Variants in DNMBP observed in about 807,000 individuals in gnomAD.
DNMBP encodes the protein dynamin binding protein.
DNMBP carries 87 observed loss-of-function variants against 150.0 expected under a neutral mutation model. That is an observed-to-expected ratio of 0.58 (90% confidence interval 0.49 to 0.69). The LOEUF is 0.69. Ranked by LOEUF, DNMBP falls within the 30% of genes least tolerant of loss-of-function variation. The pLI is 0.00. For synonymous variants in DNMBP, 711 were observed against 750.4 expected (o/e 0.95, Z 0.86); for missense variants, 1,774 against 1,949.0 (o/e 0.91, Z 1.69).
rs1175753420 is a variant in DNMBP, at chr10:99,990,694, TAC to T, written c.-10-18562_-10-18561del. Reference sequence around the variant, plus strand: ...ATATACATATATACACACATATATATACACACACATATATACACACATATACA... The same window carrying T: ...ATATACATATATACACACATATATATACACACATATATACACACATATACA... On this transcript the variant is annotated intron_variant, in intron 1 of 16. Coordinates refer to ENST00000324109, the MANE Select transcript of DNMBP (RefSeq NM_015221.4). 1.1e-4 allele frequency among the ~76,000 whole-genome samples: 17 copies of T among 150,388 alleles called. No homozygotes were observed. The Middle Eastern group carries it at 0.011, about 93-fold the overall frequency.
Position 99,888,950 on chromosome 10 carries a change from A to G in DNMBP, c.3160T>C (p.Ser1054Pro). 6.2e-7 allele frequency: 1 copy of G among 1,614,014 alleles called. No homozygotes were observed. The highest frequency in any genetic ancestry group is 8.5e-7 in the Non-Finnish European group (1 of 1,179,992). ...LSLYLQHIRE[S>P]ACVKVVAAVS... ...GCAGCCACCACTTTCACACATGCGG[A>G]CTCCTGGAGCCAGTTAGGACAGACA... is the stretch of plus-strand genomic sequence containing the variant. Residue 1054 changes from serine to proline, a missense_variant, in exon 12 of 17, where the codon TCC becomes CCC. By Grantham distance (74) the Ser-to-Pro change is moderately conservative. Around this residue, in one of 2 missense-constraint regions of DNMBP, gnomAD observed 1,430 missense variants for 1,492.5 expected, o/e 0.96. Transcript: ENST00000324109.
At chr10:99,997,551 C>G (rs928874331) in intron 1 of DNMBP, among the ~76,000 whole-genome samples, 5 of 149,350 alleles carry the variant, frequency 3.3e-5, no homozygotes, top group Admixed American at 2.7e-4. Context: ...GAGACAACAG[C>G]AAAGTTATAT....
Position 99,935,087 on chromosome 10 carries a change from C to CAAA in DNMBP, c.2260+20124_2260+20126dup, listed in dbSNP as rs71009790. On this transcript the variant is annotated intron_variant, in intron 4 of 16. Coordinates refer to ENST00000324109, the MANE Select transcript of DNMBP (RefSeq NM_015221.4). ...GTGATAGGGTGAGACCCTGTCTCCA[C>CAAA]AAAAAAAAAAAAAAAAAAAAAAAAA... 1.1e-3 allele frequency among the ~76,000 whole-genome samples: 53 copies of CAAA among 48,538 alleles called. 1 individual carries two copies. The highest frequency in any genetic ancestry group is 5.8e-3 in the East Asian group (7 of 1,208). The allele number at this position is 48,538 out of a possible 152,430, so 31.8% of individuals were successfully genotyped here.
At chr10:99,997,772 C>A (rs2040964180) in intron 1 of DNMBP, among the ~76,000 whole-genome samples, 1 of 151,514 alleles carries the variant, frequency 6.6e-6, no homozygotes, top group Non-Finnish European at 1.5e-5. Context: ...CATGGCAAAA[C>A]CATCTCTATT....
chr10:99,997,868 C>T (rs1186141378), intron 1 of DNMBP, among the ~76,000 whole-genome samples: 1 of 131,226 alleles, frequency 7.6e-6, no homozygotes, highest in East Asian at 2.2e-4. Context: ...GCAAAGGCTG[C>T]AGTGAGCTGA....
At chr10:99,887,637 C>T (rs977124764) in intron 12 of DNMBP, among the ~76,000 whole-genome samples, 5 of 152,110 alleles carry the variant, frequency 3.3e-5, no homozygotes, top group Non-Finnish European at 7.4e-5. Context: ...TACTTAGTAG[C>T]ATCTTATTAA....
chr10:99,992,627 C>T (rs940604190), intron 1 of DNMBP, among the ~76,000 whole-genome samples: 38 of 150,662 alleles, frequency 2.5e-4, no homozygotes, highest in Non-Finnish European at 4.4e-4. Flanking sequence ...CCTGGGTTCA[C>T]GCCATTCTCC....
intron 4 of DNMBP, among the ~76,000 whole-genome samples, chr10:99,909,646 A>T (rs2039876396): frequency 6.6e-6 from 1 of 152,224 alleles, no homozygotes; most frequent in Non-Finnish European, 1.5e-5. Context: ...GGATAATTAT[A>T]GGACCTATCA....
Position 99,884,143 on chromosome 10 carries a change from GT to G in DNMBP, c.3864del (p.Lys1288AsnfsTer27). The G allele has an allele frequency of 6.2e-7, 1 of 1,614,132 alleles. No individual in the cohort carries two copies. Among genetic ancestry groups the G allele is most frequent in the Non-Finnish European group, 8.5e-7 (1 of 1,180,022 alleles). ...TTGAAGTTCCGTTCTGCCTGGAAGA[GT>G]TTTTCAGGGGGATACCTGGCCAGGA... ...ASLLARYPPE[K>X]LFQAERNFNA... On this transcript the variant is annotated frameshift_variant, in exon 15 of 17. Coordinates refer to ENST00000324109, the MANE Select transcript of DNMBP (RefSeq NM_015221.4). LOFTEE classifies it high-confidence loss of function.
chr10:99,955,154 G>C, intron 4 of DNMBP, 60 bp downstream of exon 4: 1 of 1,474,588 alleles, frequency 6.8e-7, no homozygotes, highest in Non-Finnish European at 9.3e-7. Context: ...GCCTGGGTAG[G>C]CTGTTTCTGG....
intron 1 of DNMBP, 124 bp downstream of exon 1, chr10:100,009,714 C>T (rs2041112297): frequency 6.6e-6 from 1 of 151,340 alleles, no homozygotes; most frequent in African/African-American, 2.4e-5. Flanking sequence ...CGATACAGGC[C>T]TAGCCGCGCG....
At chr10:99,917,976 A>C (rs1589417517) in intron 4 of DNMBP, among the ~76,000 whole-genome samples, 1 of 120,574 alleles carries the variant, frequency 8.3e-6, no homozygotes, top group East Asian at 2.1e-4. Flanking sequence ...CTCAAAAAAA[A>C]AAAAAAAAAA....
intron 1 of DNMBP, 97 bp from the exon 2 acceptor site, chr10:99,972,231 T>A: frequency 8.2e-7 from 1 of 1,214,388 alleles, no homozygotes; most frequent in Non-Finnish European, 1.1e-6. Context: ...GATACAAATA[T>A]ACTTAAAATG....
Position 99,908,943 on chromosome 10 carries a change from C to T in DNMBP, c.2454+10G>A, listed in dbSNP as rs572124617. 9.9e-6 allele frequency: 16 copies of T among 1,609,132 alleles called. No individual in the cohort carries two copies. The South Asian group carries it at 1.6e-4, about 16-fold the overall frequency. On this transcript the variant is annotated intron_variant, in intron 5 of 16. Transcript: ENST00000324109. Reference sequence around the variant, plus strand: ...TCAAGGTCAAACTAACTCTGTCTCCCAGTTCCCACCTGTGCCTGCTGCATG... The same window carrying T: ...TCAAGGTCAAACTAACTCTGTCTCCTAGTTCCCACCTGTGCCTGCTGCATG...
chr10:99,930,586 G>A (rs765029150), intron 4 of DNMBP: 1 of 702,748 alleles, frequency 1.4e-6, no homozygotes, highest in South Asian at 1.5e-5. Flanking sequence ...TTTCTGTAGG[G>A]CTGATGCTGT....
intron 4 of DNMBP, among the ~76,000 whole-genome samples, chr10:99,918,965 T>C (rs1054634705): frequency 2.6e-5 from 4 of 152,218 alleles, no homozygotes; most frequent in African/African-American, 9.6e-5. Context: ...TTTTGTAAAA[T>C]TAAAGTTATC....
chr10:99,896,449 T>C, intron 9 of DNMBP, 52 bp from the exon 10 acceptor site: 1 of 1,602,164 alleles, frequency 6.2e-7, no homozygotes, highest in Non-Finnish European at 8.5e-7. Flanking sequence ...TACTACAAAA[T>C]GAGCCATAAA....
At chr10:99,896,453 C>T (rs1414321041) in intron 9 of DNMBP, 56 bp from the exon 10 acceptor site, 1 of 1,589,962 alleles carries the variant, frequency 6.3e-7, no homozygotes, top group East Asian at 2.2e-5. Flanking sequence ...ACAAAATGAG[C>T]CATAAAATGA....
At chr10:99,959,127 A>G (rs1465838573) in intron 3 of DNMBP, among the ~76,000 whole-genome samples, 1 of 152,230 alleles carries the variant, frequency 6.6e-6, no homozygotes, top group African/African-American at 2.4e-5. Context: ...ATTTACGAAC[A>G]TGTAAAGCAA....
Sources: gnomAD v4.1 joint callset for allele counts (sites outside exome capture counted in the v4.1 genomes callset) on GRCh38, gnomAD v4.1.1 for gene constraint, gnomAD v4.1.1 regional missense constraint, MANE v1.5 for transcripts, NCBI Gene and HGNC (gene_info 2026-07-23, HGNC 2026-07-21) for gene names.